PARVB: variants seen among roughly 807,000 people sequenced by gnomAD.
PARVB encodes the protein beta-parvin.
A neutral mutation model predicts 47.0 loss-of-function variants in PARVB; 46 were observed. That is an observed-to-expected ratio of 0.98 (90% confidence interval 0.77 to 1.25). PARVB has a LOEUF of 1.25. PARVB is among the 50% of genes most tolerant of loss of function. The probability of loss-of-function intolerance (pLI) is 0.00; values close to 1 mark genes in which losing one functional copy is unlikely to be tolerated. For synonymous variants in PARVB, 196 were observed against 196.3 expected (o/e 1.00, Z 0.01); for missense variants, 473 against 471.6 (o/e 1.00, Z -0.03).
At chr22:44,065,125 C>A (rs766074866) in intron 1 of PARVB, among the ~76,000 whole-genome samples, 11 of 152,098 alleles carry the variant, frequency 7.2e-5, no homozygotes, top group Non-Finnish European at 1.6e-4. Flanking sequence ...ACTTGGCTTT[C>A]TCCCACTGCT....
chr22:44,072,724 TGAACC>T (rs2051682453), intron 1 of PARVB, among the ~76,000 whole-genome samples: 1 of 152,124 alleles, frequency 6.6e-6, no homozygotes, highest in African/African-American at 2.4e-5. Context: ...ATTACAGGTG[TGAACC>T]ATCGCGCCTG....
At chr22:43,999,547 C>G in exon 2 of PARVB, 1 of 1,589,160 alleles carries the variant, frequency 6.3e-7, no homozygotes, top group South Asian at 1.1e-5. Flanking sequence ...GAGGCTGGAG[C>G]TGAGACGTGG....
At chr22:44,026,305 C>G (rs1042598769) in intron 1 of PARVB, 19 of 985,204 alleles carry the variant, frequency 1.9e-5, no homozygotes, top group Non-Finnish European at 2.2e-5. Context: ...GCATCCTGTG[C>G]TGAATAGAAC....
chr22:44,096,992 A>G (rs5764520), intron 2 of PARVB, among the ~76,000 whole-genome samples: 89,928 of 151,690 alleles, frequency 0.59, 26,990 homozygotes, highest in East Asian at 0.86. Context: ...CCCTGGATGG[A>G]GCAGCGCTTG....
chr22:44,088,635 C>G (rs2052089290), intron 1 of PARVB, among the ~76,000 whole-genome samples: 1 of 152,094 alleles, frequency 6.6e-6, no homozygotes, highest in South Asian at 2.1e-4. Context: ...CCACGCCTGA[C>G]TAATGTTTGT....
intron 3 of PARVB, chr22:44,109,757 T>C (rs2052649300): frequency 1.3e-5 from 2 of 152,122 alleles, no homozygotes; most frequent in South Asian, 2.1e-4. Flanking sequence ...CAGTTTTCTT[T>C]ATAGCAGCAA....
chr22:44,078,819 G>A (rs1350377382), intron 1 of PARVB, among the ~76,000 whole-genome samples: 1 of 152,138 alleles, frequency 6.6e-6, no homozygotes, highest in Non-Finnish European at 1.5e-5. Flanking sequence ...CTGACTCCTG[G>A]GTTCAAGCGA....
intron 1 of PARVB, chr22:43,999,516 G>A (rs367628445): frequency 1.3e-6 from 2 of 1,565,606 alleles, no homozygotes; most frequent in Non-Finnish European, 1.8e-6. Flanking sequence ...AACAAAAAAT[G>A]TTCATTCCTA....
At chr22:44,055,380 G>A (rs112889559) in intron 1 of PARVB, among the ~76,000 whole-genome samples, 3 of 151,406 alleles carry the variant, frequency 2.0e-5, no homozygotes, top group Admixed American at 6.6e-5. Context: ...TCACTCTGTC[G>A]CCAGGCTGGA....
intron 2 of PARVB, among the ~76,000 whole-genome samples, chr22:44,096,934 A>AC (rs1217303058): frequency 6.6e-6 from 1 of 151,988 alleles, no homozygotes; most frequent in Non-Finnish European, 1.5e-5. Flanking sequence ...GCCTGTGTGG[A>AC]CCCAGACCTG....
At chr22:44,070,342 G>A (rs1015921873) in intron 1 of PARVB, among the ~76,000 whole-genome samples, 3 of 152,144 alleles carry the variant, frequency 2.0e-5, no homozygotes, top group Non-Finnish European at 4.4e-5. Flanking sequence ...CCAGTAAGAT[G>A]ACAGTTATTC....
intron 1 of PARVB, among the ~76,000 whole-genome samples, chr22:44,093,328 A>C (rs2052218489): frequency 6.6e-6 from 1 of 152,156 alleles, no homozygotes; most frequent in African/African-American, 2.4e-5. Flanking sequence ...CTCCCTTGAG[A>C]CAGGAGGTCA....
At chr22:44,080,270 G>A (rs1372521327) in intron 1 of PARVB, among the ~76,000 whole-genome samples, 2 of 152,152 alleles carry the variant, frequency 1.3e-5, no homozygotes, top group African/African-American at 4.8e-5. Context: ...CAAACCCAGT[G>A]GTTTAAACCA....
chr22:44,098,771 G>C (rs1228918788), intron 2 of PARVB, among the ~76,000 whole-genome samples: 1 of 152,164 alleles, frequency 6.6e-6, no homozygotes, highest in Non-Finnish European at 1.5e-5. Flanking sequence ...TCACATCCGT[G>C]TCAGCAGCAA....
chr22:44,066,855 C>CT (rs553556879), intron 1 of PARVB, among the ~76,000 whole-genome samples: 2 of 147,124 alleles, frequency 1.4e-5, no homozygotes, highest in African/African-American at 2.5e-5. Context: ...CTTCTTCTTC[C>CT]TTTTTTTTCT....
At chr22:44,005,909 G>A (rs1280052892) in intron 2 of PARVB, among the ~76,000 whole-genome samples, 8 of 152,284 alleles carry the variant, frequency 5.3e-5, no homozygotes, top group South Asian at 4.1e-4. Context: ...CTGTGCTTCC[G>A]TTGCTTCATT....
intron 3 of PARVB, among the ~76,000 whole-genome samples, chr22:44,117,469 C>G (rs1200937105): frequency 6.6e-6 from 1 of 152,162 alleles, no homozygotes; most frequent in Non-Finnish European, 1.5e-5. Flanking sequence ...CTCCCTCCCC[C>G]TGCCAGCCAC....
chr22:44,069,929 C>G (rs2051618893), intron 1 of PARVB, among the ~76,000 whole-genome samples: 1 of 152,088 alleles, frequency 6.6e-6, no homozygotes, highest in Admixed American at 6.5e-5. Context: ...GATATTCTGT[C>G]TTGTCTTTGG....
intron 1 of PARVB, among the ~76,000 whole-genome samples, chr22:44,045,548 C>T (rs1348841901): frequency 2.6e-5 from 4 of 152,140 alleles, no homozygotes; most frequent in Non-Finnish European, 5.9e-5. Flanking sequence ...ATTGAGCTCC[C>T]CTTGAGAGCA....
Sources: gnomAD v4.1 joint callset for allele counts (sites outside exome capture counted in the v4.1 genomes callset) on GRCh38, gnomAD v4.1.1 for gene constraint, MANE v1.5 for transcripts, NCBI Gene and HGNC (gene_info 2026-07-23, HGNC 2026-07-21) for gene names.